Variants in FCRL5 observed in about 807,000 individuals in gnomAD.
FCRL5 encodes Fc receptor like 5.
In FCRL5, 79 loss-of-function variants were observed where a neutral mutation model predicts 92.1. That is an observed-to-expected ratio of 0.86 (90% CI 0.72 to 1.03). The LOEUF is 1.03. FCRL5 is among the 50% of genes least tolerant of loss of function. The pLI is 0.00. For missense variants in FCRL5, 1,160 were observed against 1,181.1 expected, an observed-to-expected ratio of 0.98 and a Z score of 0.26; for synonymous variants, 466 against 469.3, an observed-to-expected ratio of 0.99 and a Z score of 0.09.
chr1:157,518,655 A>T, intron 14 of FCRL5, 45 bp downstream of exon 14: 1 of 1,572,442 alleles, frequency 6.4e-7, no homozygotes, highest in Non-Finnish European at 8.7e-7. Context: ...GCTTTCCCAC[A>T]CCAGCCCTCC....
chr1:157,540,534 A>T (rs1291005910), intron 6 of FCRL5, among the ~76,000 whole-genome samples: 1 of 152,066 alleles, frequency 6.6e-6, no homozygotes. Context: ...TTAAAAAAAA[A>T]AAAAACCATC....
chr1:157,531,614 T>G (rs916591579), intron 8 of FCRL5, among the ~76,000 whole-genome samples: 1 of 152,132 alleles, frequency 6.6e-6, no homozygotes, highest in African/African-American at 2.4e-5. Flanking sequence ...GTGGAATATA[T>G]GCACAATGGA....
chr1:157,538,668 G>C (rs1272833519), intron 7 of FCRL5, among the ~76,000 whole-genome samples: 2 of 152,216 alleles, frequency 1.3e-5, no homozygotes, highest in Non-Finnish European at 2.9e-5. Context: ...ACATGACTTT[G>C]CATCTGGTTA....
intron 12 of FCRL5, among the ~76,000 whole-genome samples, chr1:157,520,092 A>G (rs1013495581): frequency 1.3e-5 from 2 of 152,148 alleles, no homozygotes; most frequent in African/African-American, 4.8e-5. Flanking sequence ...ACTGAATCCT[A>G]TCTGGTTTCT....
chr1:157,544,676 A>C (rs1417846137), intron 4 of FCRL5, 130 bp from the exon 5 acceptor site: 2 of 1,408,764 alleles, frequency 1.4e-6, no homozygotes, highest in Admixed American at 3.9e-5. Flanking sequence ...AGCTTCCTTC[A>C]GCCCAAAACA....
intron 6 of FCRL5, among the ~76,000 whole-genome samples, chr1:157,541,011 T>A (rs1651234271): frequency 6.6e-6 from 1 of 152,180 alleles, no homozygotes; most frequent in African/African-American, 2.4e-5. Flanking sequence ...CAAACCCAGG[T>A]ATTCTGATTC....
At chr1:157,539,888 A>G (rs1461644024) in intron 6 of FCRL5, among the ~76,000 whole-genome samples, 1 of 152,176 alleles carries the variant, frequency 6.6e-6, no homozygotes, top group African/African-American at 2.4e-5. Flanking sequence ...TTTGTCTGTT[A>G]TTTACACATA....
chr1:157,545,522 G>GTTTTTTTTT lies in FCRL5; in HGVS notation c.308-449_308-441dup, dbSNP rs754972248. ...GGCAGTAATGTAATTTCTTTAATGA[G>GTTTTTTTTT]TTTTTTTTTTTTTTTTTTTTTTTTG... On this transcript the variant is annotated intron_variant, in intron 3 of 16. Transcript: ENST00000361835. Among the ~76,000 whole-genome samples, 14 of 84,936 alleles carry GTTTTTTTTT rather than the reference G, an allele frequency of 1.6e-4. 1 individual carries two copies. The highest frequency in any genetic ancestry group is 2.1e-4 in the Non-Finnish European group (10 of 46,860). 55.7% of individuals were successfully genotyped at this position (84,936 alleles called of 152,430 possible). A position where few individuals can be genotyped will look rare whatever the true frequency, so the allele number is the denominator to read the frequency against.
Position 157,547,172 on chromosome 1 carries a change from G to A in FCRL5, c.78C>T (p.Phe26=). The A allele has an allele frequency of 6.2e-7, 1 of 1,613,948 alleles. No individual in the cohort carries two copies. The highest frequency in any genetic ancestry group is 1.3e-5 in the African/African-American group (1 of 75,052). Residue 26 remains phenylalanine (F), a synonymous_variant, in exon 3 of 17, where the codon TTC becomes TTT. Coordinates refer to ENST00000361835, the MANE Select transcript of FCRL5 (RefSeq NM_031281.3). ...AGACTGTGGTCCATGGAGGCTGGAG[G>A]AAAATAATGGGCCTGGGTGTCCTTG... ...QFARTPRPII[F]LQPPWTTVFQ... is the part of the protein sequence containing the mutation.
chr1:157,539,147 G>C lies in FCRL5; in HGVS notation c.1341C>G (p.Tyr447Ter), dbSNP rs765623333. Residue 447 changes from tyrosine to a stop codon, truncating the protein, a stop_gained, in exon 7 of 17, where the codon TAC (tyrosine) becomes TAG (stop). Coordinates refer to ENST00000361835, the MANE Select transcript of FCRL5 (RefSeq NM_031281.3). LOFTEE classifies it high-confidence loss of function. The part of the protein sequence containing the change: ...SLTAEHSGNY[Y>*]CTADNGFGPQ... The stretch of plus-strand genomic sequence containing the variant: ...GGCCAAAGCCATTGTCAGCTGTGCA[G>C]TAGTAGTTCCCTGAATGCTCTGCAG... 6.2e-7 allele frequency: 1 copy of C among 1,614,124 alleles called. No individual in the cohort carries two copies. The highest frequency in any genetic ancestry group is 8.5e-7 in the Non-Finnish European group (1 of 1,180,042).
At chr1:157,528,059 T>A in intron 8 of FCRL5, 164 bp from the exon 9 acceptor site, 1 of 751,636 alleles carries the variant, frequency 1.3e-6, no homozygotes, top group Non-Finnish European at 2.0e-6. Flanking sequence ...ATTGTATACC[T>A]AGGAAACCCT....
chr1:157,543,131 G>C lies in FCRL5; in HGVS notation c.851C>G (p.Ala284Gly). The part of the protein sequence containing the change: ...PRSWIQVQIP[A>G]SHPVLTLSPE... ...GCTGAGAGTGAGGACAGGATGAGAT[G>C]CAGGGACTGAGCAAGAGAAAAAATT... The change falls in exon 6 of 17, where the codon GCA becomes GGA. Residue 284 changes from alanine to glycine, a missense_variant. By Grantham distance (60) the Ala-to-Gly change is moderately conservative. Transcript: ENST00000361835. 1 of 1,613,364 alleles carries C rather than the reference G, an allele frequency of 6.2e-7. No homozygotes were observed. The highest frequency in any genetic ancestry group is 8.5e-7 in the Non-Finnish European group (1 of 1,179,668).
At chr1:157,537,341 G>A (rs1472048635) in intron 7 of FCRL5, among the ~76,000 whole-genome samples, 3 of 152,162 alleles carry the variant, frequency 2.0e-5, no homozygotes, top group Non-Finnish European at 2.9e-5. Flanking sequence ...TCGTTGCTGA[G>A]GGATGAAATA....
chr1:157,532,699 C>T (rs1650754114), intron 8 of FCRL5: 1 of 152,116 alleles, frequency 6.6e-6, no homozygotes, highest in Non-Finnish European at 1.5e-5. Flanking sequence ...TCAAAAAATA[C>T]TGATTCTGTG....
intron 8 of FCRL5, 187 bp from the exon 9 acceptor site, chr1:157,528,082 A>G: frequency 1.8e-6 from 1 of 564,314 alleles, no homozygotes. Flanking sequence ...AGACTCATCC[A>G]AAAAGCTCCT....
intron 7 of FCRL5, among the ~76,000 whole-genome samples, chr1:157,537,846 A>G (rs1458574774): frequency 6.6e-6 from 1 of 152,190 alleles, no homozygotes; most frequent in African/African-American, 2.4e-5. Context: ...CTCAAATTCC[A>G]AGAATTGTTT....
In FCRL5 at chr1:157,544,660, A is replaced by T. The variant is rs970945440; in HGVS notation, c.560-114T>A. ...GCAGGCAAAGAAAGGAATGCCATTGATCCCTAGCTTCCTTCAGCCCAAAAC... is the reference window on the plus strand; with the variant it reads ...GCAGGCAAAGAAAGGAATGCCATTGTTCCCTAGCTTCCTTCAGCCCAAAAC... On this transcript the variant is annotated intron_variant, in intron 4 of 16. Transcript: ENST00000361835. 1.0e-5 allele frequency: 15 copies of T among 1,429,034 alleles called. No individual in the cohort carries two copies. In the East Asian group the frequency reaches 3.4e-4, roughly 33 times the overall value. 88.5% of individuals were successfully genotyped at this position (1,429,034 alleles called of 1,614,324 possible). A position where few individuals can be genotyped will look rare whatever the true frequency, so the allele number is the denominator to read the frequency against.
At chr1:157,544,710 G>T in intron 4 of FCRL5, 121 bp downstream of exon 4, 1 of 1,445,738 alleles carries the variant, frequency 6.9e-7, no homozygotes, top group African/African-American at 1.4e-5. Context: ...TCTGCTCCTT[G>T]CAGGAATGTG....
intron 7 of FCRL5, among the ~76,000 whole-genome samples, chr1:157,537,533 G>A (rs1651025714): frequency 6.6e-6 from 1 of 152,144 alleles, no homozygotes; most frequent in Non-Finnish European, 1.5e-5. Flanking sequence ...GTGGTCCTGT[G>A]AGCTCACCCT....
Sources: allele counts gnomAD v4.1 joint callset (sites outside exome capture counted in the v4.1 genomes callset), GRCh38; gene constraint gnomAD v4.1.1; transcripts MANE v1.5; gene names NCBI Gene and HGNC (gene_info 2026-07-23, HGNC 2026-07-21).